The following CENPP variants were observed in gnomAD, a reference collection of about 807,000 sequenced individuals.
CENPP encodes centromere protein P.
CENPP carries 24 observed loss-of-function variants against 35.6 expected under a neutral mutation model. The observed-to-expected ratio is 0.67, with a 90% confidence interval of 0.49 to 0.95. The LOEUF is 0.95. CENPP is among the 40% of genes least tolerant of loss of function. The pLI, the probability that CENPP is intolerant of heterozygous loss-of-function variation, is 0.00. For synonymous variants in CENPP, 120 were observed against 125.5 expected (o/e 0.96, Z 0.29); for missense variants, 332 against 345.3 (o/e 0.96, Z 0.31).
chr9:92,592,671 T>G (rs962605001), intron 5 of CENPP, among the ~76,000 whole-genome samples: 2 of 152,210 alleles, frequency 1.3e-5, no homozygotes, highest in African/African-American at 4.8e-5. Context: ...TGCTCAGCTT[T>G]GGTACCTGTT....
At chr9:92,444,739 G>A (rs1265334941) in intron 5 of CENPP, among the ~76,000 whole-genome samples, 1 of 152,176 alleles carries the variant, frequency 6.6e-6, no homozygotes, top group African/African-American at 2.4e-5. Flanking sequence ...AGTACCTGCA[G>A]GCAAAGCAGC....
Position 92,333,434 on chromosome 9 carries a change from C to T in CENPP, c.289+1083C>T, listed in dbSNP as rs148747632. On this transcript the variant is annotated intron_variant, in intron 2 of 7. Transcript: ENST00000375587. ...ATAAGACTTTTACTAGCTTAAAAGC[C>T]GCAGCATGAAGATTAGGCGTAGAGT... is the stretch of plus-strand genomic sequence containing the variant. Among the ~76,000 whole-genome samples the T allele has an allele frequency of 2.0e-4, 31 of 152,242 alleles. No individual in the cohort carries two copies. The South Asian group carries it at 3.9e-3, about 19-fold the overall frequency.
At chr9:92,527,295 GCCCC>G (rs943851850) in intron 5 of CENPP, among the ~76,000 whole-genome samples, 18 of 152,124 alleles carry the variant, frequency 1.2e-4, no homozygotes, top group Admixed American at 5.2e-4. Context: ...ACAGGCATGA[GCCCC>G]CACACCTGGC....
chr9:92,328,094 G>A (rs144339218), intron 1 of CENPP, among the ~76,000 whole-genome samples: 2 of 152,114 alleles, frequency 1.3e-5, no homozygotes, highest in Non-Finnish European at 2.9e-5. Context: ...CCAAGAGGGA[G>A]TCGGTTCAGG....
At chr9:92,453,405 C>T (rs984016708) in intron 5 of CENPP, among the ~76,000 whole-genome samples, 2 of 152,060 alleles carry the variant, frequency 1.3e-5, no homozygotes, top group Non-Finnish European at 2.9e-5. Context: ...TGTAGTTGAG[C>T]GGTTTTGAGT....
intron 5 of CENPP, among the ~76,000 whole-genome samples, chr9:92,520,713 A>C (rs1040050005): frequency 2.0e-5 from 3 of 152,210 alleles, no homozygotes; most frequent in Admixed American, 1.3e-4. Flanking sequence ...CCAGATGTTC[A>C]TCAACTGGTA....
chr9:92,441,479 C>A (rs768194943), intron 5 of CENPP, among the ~76,000 whole-genome samples: 1 of 152,092 alleles, frequency 6.6e-6, no homozygotes, highest in Non-Finnish European at 1.5e-5. Context: ...GGTATATTGG[C>A]CAGGTGCAGT....
intron 5 of CENPP, among the ~76,000 whole-genome samples, chr9:92,433,145 A>G (rs1844160082): frequency 6.6e-6 from 1 of 152,184 alleles, no homozygotes; most frequent in African/African-American, 2.4e-5. Flanking sequence ...ACAGTTCTGG[A>G]GTTATTGGGA....
At chr9:92,547,818 G>A (rs75247517) in intron 5 of CENPP, among the ~76,000 whole-genome samples, 1,732 of 152,230 alleles carry the variant, frequency 0.011, 26 homozygotes, top group African/African-American at 0.038. Flanking sequence ...ATTATATCTC[G>A]AGATAGCTGT....
chr9:92,419,535 A>C (rs376383739), intron 5 of CENPP, among the ~76,000 whole-genome samples: 10 of 152,000 alleles, frequency 6.6e-5, no homozygotes, highest in African/African-American at 2.2e-4. Flanking sequence ...TCCTGACCTC[A>C]TGATCCACCC....
At position 92,404,445 on chromosome 9, in the gene CENPP, G is replaced by T. The variant is rs1306429614; in HGVS notation, c.564+24586G>T. ...TTTATTAAGACTATTAGATGAGTCA[G>T]TCGCACTTTAACAAACAATATTTAA... On this transcript the variant is annotated intron_variant, in intron 5 of 7. Coordinates refer to ENST00000375587, the MANE Select transcript of CENPP (RefSeq NM_001012267.3). 3 of 1,148,948 alleles carry T rather than the reference G, an allele frequency of 2.6e-6. No homozygotes were observed. In the East Asian group the frequency reaches 1.9e-4, roughly 72 times the overall value. 71.2% of individuals were successfully genotyped at this position (1,148,948 alleles called of 1,614,324 possible). A position where few individuals can be genotyped will look rare whatever the true frequency, so the allele number is the denominator to read the frequency against.
At chr9:92,582,494 A>C (rs1176988091) in intron 5 of CENPP, among the ~76,000 whole-genome samples, 1 of 152,202 alleles carries the variant, frequency 6.6e-6, no homozygotes, top group African/African-American at 2.4e-5. Context: ...CAAGATAACA[A>C]GTGTAAAACT....
intron 4 of CENPP, among the ~76,000 whole-genome samples, chr9:92,369,272 G>A (rs1841956643): frequency 6.6e-6 from 1 of 152,244 alleles, no homozygotes; most frequent in East Asian, 1.9e-4. Flanking sequence ...TGTGGTCTCC[G>A]TGGGAAGGAA....
At chr9:92,503,648 G>T (rs1035318129) in intron 5 of CENPP, among the ~76,000 whole-genome samples, 1 of 152,184 alleles carries the variant, frequency 6.6e-6, no homozygotes, top group Non-Finnish European at 1.5e-5. Context: ...TTGTTCTCTT[G>T]TTAGAATTCA....
rs78503677 is a variant in CENPP, at chr9:92,617,716, G to A, written c.*4567G>A. 0.038 allele frequency: 5,949 copies of A among 158,228 alleles called. 198 individuals are homozygous for A. The highest frequency in any genetic ancestry group is 0.092 in the East Asian group (491 of 5,322). The allele number at this position is 158,228 out of a possible 1,614,324, so 9.8% of individuals were successfully genotyped here. On this transcript the variant is annotated 3_prime_UTR_variant, in exon 8 of 8. Coordinates refer to ENST00000375587, the MANE Select transcript of CENPP (RefSeq NM_001012267.3). ...CAGCCTCCAAGGGTGCTGGGGATCG[G>A]GGTGGAGAAGCCAAGGCCGCACACT...
At chr9:92,502,261 A>G (rs1171577498) in intron 5 of CENPP, among the ~76,000 whole-genome samples, 1 of 152,202 alleles carries the variant, frequency 6.6e-6, no homozygotes, top group African/African-American at 2.4e-5. Flanking sequence ...GGTGTCCAGT[A>G]TGCAGTATGG....
chr9:92,500,967 A>G (rs755291775), intron 5 of CENPP: 1 of 1,614,176 alleles, frequency 6.2e-7, no homozygotes, highest in South Asian at 1.1e-5. Context: ...CTGGTTCCCA[A>G]GGAGTACTAG....
intron 5 of CENPP, among the ~76,000 whole-genome samples, chr9:92,571,688 T>G (rs1850143712): frequency 6.6e-6 from 1 of 152,168 alleles, no homozygotes; most frequent in Admixed American, 6.5e-5. Flanking sequence ...GGTGTTAAAG[T>G]CTCCCATTAT....
intron 5 of CENPP, among the ~76,000 whole-genome samples, chr9:92,433,394 T>C (rs1371560901): frequency 6.6e-6 from 1 of 152,170 alleles, no homozygotes; most frequent in Non-Finnish European, 1.5e-5. Flanking sequence ...CAGTTTTCGG[T>C]TTGACTGGTA....
Sources: allele counts gnomAD v4.1 joint callset (sites outside exome capture counted in the v4.1 genomes callset), GRCh38; gene constraint gnomAD v4.1.1; transcripts MANE v1.5; gene names NCBI Gene and HGNC (gene_info 2026-07-23, HGNC 2026-07-21).